MARCHF1: variants seen among roughly 807,000 people sequenced by gnomAD.
MARCHF1 encodes the protein E3 ubiquitin-protein ligase MARCHF1.
Under a neutral mutation model 54.2 loss-of-function variants are expected in MARCHF1, and 40 were observed. The observed-to-expected ratio is 0.74, with a 90% CI of 0.57 to 0.96. The LOEUF (loss-of-function observed/expected upper bound fraction) is 0.96. MARCHF1 is among the 40% of genes least tolerant of loss of function. The probability of loss-of-function intolerance (pLI) is 0.00; values close to 1 mark genes in which losing one functional copy is unlikely to be tolerated. For missense variants in MARCHF1, 586 were observed against 656.5 expected, an observed-to-expected ratio of 0.89 and a Z score of 1.17; for synonymous variants, 236 against 236.3, an observed-to-expected ratio of 1.00 and a Z score of 0.01.
At chr4:163,897,058 A>T (rs1258792052) in intron 3 of MARCHF1, among the ~76,000 whole-genome samples, 1 of 152,200 alleles carries the variant, frequency 6.6e-6, no homozygotes, top group African/African-American at 2.4e-5. Flanking sequence ...CACATGGATA[A>T]ATATTCCAAC....
intron 3 of MARCHF1, among the ~76,000 whole-genome samples, chr4:163,888,937 C>T (rs1750596703): frequency 6.6e-6 from 1 of 151,990 alleles, no homozygotes; most frequent in Admixed American, 6.6e-5. Flanking sequence ...CAATACAATC[C>T]CTGTGAGTGT....
chr4:163,704,328 G>C (rs1234432203), intron 4 of MARCHF1, among the ~76,000 whole-genome samples: 1 of 151,408 alleles, frequency 6.6e-6, no homozygotes, highest in African/African-American at 2.4e-5. Flanking sequence ...TTATAACTTG[G>C]AATAGAAGAA....
chr4:164,145,212 G>A (rs1301166784), intron 1 of MARCHF1, among the ~76,000 whole-genome samples: 2 of 152,084 alleles, frequency 1.3e-5, no homozygotes, highest in Non-Finnish European at 2.9e-5. Context: ...TCCAGGACCA[G>A]ATGGATTCAC....
At chr4:163,978,521 A>C (rs1752693458) in intron 3 of MARCHF1, among the ~76,000 whole-genome samples, 1 of 152,142 alleles carries the variant, frequency 6.6e-6, no homozygotes, top group African/African-American at 2.4e-5. Flanking sequence ...TCATTATTTT[A>C]TATATGAGGA....
intron 1 of MARCHF1, among the ~76,000 whole-genome samples, chr4:164,252,111 T>C (rs1733146387): frequency 6.6e-6 from 1 of 152,090 alleles, no homozygotes; most frequent in Non-Finnish European, 1.5e-5. Context: ...TAAAAAGAGA[T>C]GATTAGCCTC....
At chr4:163,965,794 T>C (rs755928201) in intron 3 of MARCHF1, among the ~76,000 whole-genome samples, 2 of 152,074 alleles carry the variant, frequency 1.3e-5, no homozygotes, top group African/African-American at 2.4e-5. Context: ...GAGCACATAA[T>C]GTGCATGCTT....
chr4:164,039,984 T>A (rs10010179), intron 2 of MARCHF1, among the ~76,000 whole-genome samples: 58,862 of 146,328 alleles, frequency 0.4, 12,445 homozygotes, highest in Middle Eastern at 0.59. Flanking sequence ...TATATATATA[T>A]AAACTATATA....
intron 2 of MARCHF1, among the ~76,000 whole-genome samples, chr4:164,041,537 A>C (rs895218749): frequency 1.3e-5 from 2 of 152,184 alleles, no homozygotes; most frequent in African/African-American, 4.8e-5. Context: ...TTACACAGCC[A>C]AATTAGTACA....
At chr4:164,144,144 A>G (rs1729597097) in intron 1 of MARCHF1, among the ~76,000 whole-genome samples, 2 of 151,524 alleles carry the variant, frequency 1.3e-5, no homozygotes, top group Non-Finnish European at 2.9e-5. Context: ...ATATGCACCC[A>G]ATACAGGAGC....
In MARCHF1 at chr4:164,253,279, A is replaced by G. The variant is rs192129743; in HGVS notation, c.-323+130591T>C. On this transcript the variant is annotated intron_variant, in intron 1 of 9. Transcript: ENST00000514618. ...CTTGAAATAGTTCAACTTCCACTCAAAAGAGATGAGCTCAATAAAGGCATT... is the reference window on the plus strand; with the variant it reads ...CTTGAAATAGTTCAACTTCCACTCAGAAGAGATGAGCTCAATAAAGGCATT... Among the ~76,000 whole-genome samples, 266 of 152,298 alleles carry G rather than the reference A, an allele frequency of 1.7e-3. 2 individuals are homozygous for G. The highest frequency in any genetic ancestry group is 5.8e-3 in the African/African-American group (243 of 41,572).
At chr4:164,200,530 T>C (rs1422747288) in intron 1 of MARCHF1, among the ~76,000 whole-genome samples, 2 of 152,210 alleles carry the variant, frequency 1.3e-5, no homozygotes, top group East Asian at 1.9e-4. Flanking sequence ...CTTTGTCCTT[T>C]ACCATGGCCT....
At chr4:164,139,072 C>T (rs994576374) in intron 1 of MARCHF1, among the ~76,000 whole-genome samples, 2 of 152,044 alleles carry the variant, frequency 1.3e-5, no homozygotes, top group Non-Finnish European at 1.5e-5. Context: ...GTACATGAAA[C>T]ATAAGAGTTC....
intron 1 of MARCHF1, among the ~76,000 whole-genome samples, chr4:164,374,184 T>A (rs1457398679): frequency 6.6e-6 from 1 of 152,130 alleles, no homozygotes; most frequent in Non-Finnish European, 1.5e-5. Flanking sequence ...TTATTACAAT[T>A]ATACACTCAG....
intron 3 of MARCHF1, among the ~76,000 whole-genome samples, chr4:163,942,909 C>T (rs184434995): frequency 6.6e-6 from 1 of 151,380 alleles, no homozygotes; most frequent in African/African-American, 2.4e-5. Context: ...TGAAACTGTA[C>T]TTATTTGAAG....
At chr4:164,368,070 AC>A (rs1730929180) in intron 1 of MARCHF1, among the ~76,000 whole-genome samples, 2 of 151,668 alleles carry the variant, frequency 1.3e-5, no homozygotes, top group South Asian at 4.1e-4. Flanking sequence ...AAAAGATTAA[AC>A]CCAAGAAATC....
chr4:164,290,980 T>C (rs920187770), intron 1 of MARCHF1, among the ~76,000 whole-genome samples: 1 of 151,950 alleles, frequency 6.6e-6, no homozygotes, highest in Non-Finnish European at 1.5e-5. Flanking sequence ...ATTTATTCAT[T>C]TTAAAGTAAA....
chr4:164,062,735 G>C (rs1013653268), intron 2 of MARCHF1, among the ~76,000 whole-genome samples: 1 of 152,102 alleles, frequency 6.6e-6, no homozygotes, highest in African/African-American at 2.4e-5. Context: ...CGTTAGCCAG[G>C]CTAGTCTCCA....
At chr4:163,934,618 C>T (rs985456641) in intron 3 of MARCHF1, among the ~76,000 whole-genome samples, 2 of 142,024 alleles carry the variant, frequency 1.4e-5, no homozygotes, top group African/African-American at 5.1e-5. Flanking sequence ...AACTCCACAT[C>T]TGTTCAAGTG....
At chr4:164,166,839 T>G (rs555425752) in intron 1 of MARCHF1, among the ~76,000 whole-genome samples, 1 of 151,690 alleles carries the variant, frequency 6.6e-6, no homozygotes, top group Non-Finnish European at 1.5e-5. Context: ...AGTATTTCTA[T>G]ACACAAATAA....
Sources: allele counts gnomAD v4.1 joint callset (sites outside exome capture counted in the v4.1 genomes callset), GRCh38; gene constraint gnomAD v4.1.1; transcripts MANE v1.5; gene names NCBI Gene and HGNC (gene_info 2026-07-23, HGNC 2026-07-21).